Variants in MAEA observed in about 807,000 individuals in gnomAD.
MAEA encodes the protein macrophage erythroblast attacher, E3 ubiquitin ligase.
MAEA carries 22 observed loss-of-function variants against 46.2 expected under a neutral mutation model. The observed-to-expected ratio is 0.48, with a 90% CI of 0.34 to 0.68. MAEA has a LOEUF of 0.68. Among genes scored for constraint, MAEA ranks in the 30% least tolerant of loss-of-function variants. MAEA has a pLI of 0.01. For missense variants in MAEA, 393 were observed against 558.1 expected (o/e 0.70, Z 2.98); for synonymous variants, 246 against 222.6 (o/e 1.11, Z -0.94).
intron 4 of MAEA, 38 bp from the exon 5 acceptor site, chr4:1,327,589 A>T: frequency 6.6e-7 from 1 of 1,506,764 alleles, no homozygotes; most frequent in Non-Finnish European, 9.2e-7. Context: ...GCTCTGTGGG[A>T]TGTGCTGTCT....
At chr4:1,307,293 T>TC (rs151180550) in intron 1 of MAEA, among the ~76,000 whole-genome samples, 9,421 of 152,160 alleles carry the variant, frequency 0.062, 922 homozygotes, top group African/African-American at 0.21. Flanking sequence ...AACCGGAAAC[T>TC]CCATAGCCAT....
At chr4:1,325,312 C>T (rs921837355) in intron 4 of MAEA, among the ~76,000 whole-genome samples, 5 of 152,216 alleles carry the variant, frequency 3.3e-5, no homozygotes, top group African/African-American at 9.6e-5. Context: ...CACGTCTGTG[C>T]GAAAGCCACA....
chr4:1,307,392 A>G (rs1441731470), intron 1 of MAEA, among the ~76,000 whole-genome samples: 1 of 110,310 alleles, frequency 9.1e-6, no homozygotes, highest in Admixed American at 1.0e-4. Context: ...GAGATACCTC[A>G]TACAAGCAGA....
At chr4:1,329,475 C>G in intron 5 of MAEA, 2 of 985,340 alleles carry the variant, frequency 2.0e-6, no homozygotes, top group Non-Finnish European at 2.4e-6. Context: ...AAGTGCGTGT[C>G]CTTCCTCCCG....
intron 3 of MAEA, among the ~76,000 whole-genome samples, chr4:1,320,556 G>A (rs1315989232): frequency 6.8e-6 from 1 of 147,684 alleles, no homozygotes; most frequent in Non-Finnish European, 1.5e-5. Flanking sequence ...AAGCAAACCT[G>A]CAAGAAAATG....
chr4:1,335,070 G>A, intron 6 of MAEA: 1 of 985,348 alleles, frequency 1.0e-6, no homozygotes, highest in South Asian at 4.7e-5. Flanking sequence ...GCCTTTCTGG[G>A]TTGATGTGAA....
intron 5 of MAEA, chr4:1,330,310 T>TTCTTTCTCTCTCTCTCTCTC (rs1711524479): frequency 7.7e-6 from 1 of 130,244 alleles, no homozygotes; most frequent in African/African-American, 3.8e-5. Flanking sequence ...TTCTGGGTGT[T>TTCTTTCTCTCTCTCTCTCTC]TCTCTCTCTC....
intron 3 of MAEA, among the ~76,000 whole-genome samples, chr4:1,318,054 G>T (rs114566640): frequency 1.3e-5 from 2 of 152,180 alleles, no homozygotes; most frequent in Admixed American, 1.3e-4. Flanking sequence ...TGTCCGCTCC[G>T]GTGCCCTGTC....
chr4:1,316,518 A>G (rs1737192487), intron 3 of MAEA, among the ~76,000 whole-genome samples: 1 of 152,088 alleles, frequency 6.6e-6, no homozygotes, highest in African/African-American at 2.4e-5. Context: ...ATTGTGCCCC[A>G]TGGCCCTGTC....
At chr4:1,330,174 A>C (rs1231911972) in intron 5 of MAEA, 1 of 982,618 alleles carries the variant, frequency 1.0e-6, no homozygotes, top group African/African-American at 1.7e-5. Flanking sequence ...TAAATGAGTA[A>C]GTGAATCCCT....
chr4:1,290,929 G>C (rs2108840940), intron 1 of MAEA, among the ~76,000 whole-genome samples: 1 of 152,322 alleles, frequency 6.6e-6, no homozygotes. Flanking sequence ...TCCTTACTGG[G>C]AGACATCAGG....
rs1480875722 is a variant in MAEA at position 1,327,615 on chromosome 4, C to G, written c.580-12C>G. The G allele has an allele frequency of 6.2e-7, 1 of 1,611,754 alleles. No homozygotes were observed. Among genetic ancestry groups the G allele is most frequent in the East Asian group, 2.2e-5 (1 of 44,870 alleles). On this transcript the variant is annotated splice_polypyrimidine_tract_variant and intron_variant, in intron 4 of 8. Transcript: ENST00000303400. ...TGTGCTGTCTAAGCCCTCGTCTTGT[C>G]TTTGCCCTCAGAGCTGCCTGGAGTT...
intron 1 of MAEA, among the ~76,000 whole-genome samples, chr4:1,306,383 C>T (rs762595523): frequency 6.6e-6 from 1 of 152,132 alleles, no homozygotes. Flanking sequence ...GGCGAGGTGG[C>T]AGGCACCTGT....
chr4:1,293,780 G>C (rs559565613), intron 1 of MAEA, among the ~76,000 whole-genome samples: 1 of 152,370 alleles, frequency 6.6e-6, no homozygotes, highest in East Asian at 1.9e-4. Flanking sequence ...TCTACAGGAA[G>C]ATTTGCATGT....
chr4:1,332,965 GC>G, intron 6 of MAEA, 100 bp downstream of exon 6: 2 of 814,726 alleles, frequency 2.5e-6, no homozygotes, highest in Non-Finnish European at 1.9e-6. Context: ...GGACGTGAGG[GC>G]CCCATCCCAG....
intron 1 of MAEA, chr4:1,298,110 C>T: frequency 2.2e-6 from 1 of 456,194 alleles, no homozygotes; most frequent in South Asian, 1.5e-5. Flanking sequence ...GCACCCTGTA[C>T]CCCAGGTACT....
chr4:1,298,648 G>A (rs915521404), intron 1 of MAEA, among the ~76,000 whole-genome samples: 2 of 152,082 alleles, frequency 1.3e-5, no homozygotes, highest in East Asian at 3.9e-4. Flanking sequence ...TCACCCCCTC[G>A]GGCTCCTAGA....
At chr4:1,298,978 C>G (rs1315202241) in intron 1 of MAEA, among the ~76,000 whole-genome samples, 5 of 152,220 alleles carry the variant, frequency 3.3e-5, no homozygotes, top group East Asian at 1.9e-4. Context: ...ACCTCCTGGG[C>G]TCAGGTGATC....
intron 4 of MAEA, among the ~76,000 whole-genome samples, chr4:1,326,623 C>G (rs558770461): frequency 6.6e-6 from 1 of 152,172 alleles, no homozygotes; most frequent in South Asian, 2.1e-4. Flanking sequence ...GAGCTTCCCC[C>G]ACCCCCGCCC....
Sources: allele counts gnomAD v4.1 joint callset (sites outside exome capture counted in the v4.1 genomes callset), GRCh38; gene constraint gnomAD v4.1.1; transcripts MANE v1.5; gene names NCBI Gene and HGNC (gene_info 2026-07-23, HGNC 2026-07-21).